COA1: variants seen among roughly 807,000 people sequenced by gnomAD.
COA1 encodes cytochrome c oxidase assembly factor 1 homolog.
COA1 carries 13 observed loss-of-function variants against 16.0 expected under a neutral mutation model. The ratio of observed to expected loss-of-function variants is 0.81; its 90% CI spans 0.53 to 1.29. The LOEUF is 1.29. Among genes scored for constraint, COA1 ranks in the 50% most tolerant of loss-of-function variants. COA1 has a pLI of 0.00. For missense variants in COA1, 179 were observed against 177.0 expected (o/e 1.01, Z -0.06); for synonymous variants, 65 against 65.7 (o/e 0.99, Z 0.05).
At chr7:43,663,664 CT>C (rs1349564297) in intron 1 of COA1, among the ~76,000 whole-genome samples, 1 of 64,184 alleles carries the variant, frequency 1.6e-5, no homozygotes, top group Non-Finnish European at 2.7e-5. Context: ...AAGACCCTAT[CT>C]CAAAAAAAAA....
intron 1 of COA1, among the ~76,000 whole-genome samples, chr7:43,680,278 G>A (rs2093703940): frequency 7.0e-6 from 1 of 143,178 alleles, no homozygotes; most frequent in East Asian, 2.0e-4. Flanking sequence ...TTTGGGACAG[G>A]GAGACAAAAA....
At chr7:43,634,801 G>T (rs1371527372), downstream of COA1, among the ~76,000 whole-genome samples, 1 of 152,214 alleles carries the variant, frequency 6.6e-6, no homozygotes, top group Non-Finnish European at 1.5e-5. Context: ...CCTTTGGCTA[G>T]AGACACCAGG....
chr7:43,666,896 T>A (rs1259007426), intron 1 of COA1, among the ~76,000 whole-genome samples: 1 of 152,238 alleles, frequency 6.6e-6, no homozygotes, highest in African/African-American at 2.4e-5. Flanking sequence ...AAGGGTATTA[T>A]ATGGTCTTTT....
intron 1 of COA1, among the ~76,000 whole-genome samples, chr7:43,684,471 C>CT (rs1469941547): frequency 1.3e-5 from 2 of 152,120 alleles, no homozygotes; most frequent in Non-Finnish European, 2.9e-5. Context: ...GCAAGTGTCC[C>CT]AGAAAACAAG....
intron 1 of COA1, among the ~76,000 whole-genome samples, chr7:43,715,701 T>C: frequency 6.6e-6 from 1 of 152,206 alleles, no homozygotes. Context: ...CAGTCTATAG[T>C]GAATATTTAA....
intron 1 of COA1, among the ~76,000 whole-genome samples, chr7:43,714,485 C>T (rs1402969159): frequency 1.3e-5 from 2 of 151,032 alleles, no homozygotes; most frequent in Non-Finnish European, 2.9e-5. Flanking sequence ...AAAAATTAGC[C>T]GGGTATGGTG....
At chr7:43,658,315 C>T (rs778823911) in intron 1 of COA1, among the ~76,000 whole-genome samples, 2 of 151,318 alleles carry the variant, frequency 1.3e-5, no homozygotes, top group Non-Finnish European at 2.9e-5. Flanking sequence ...GCCGAGATTG[C>T]GCCACTGCAC....
At chr7:43,649,212 C>A (rs2090245277) in intron 1 of COA1, 1 of 152,312 alleles carries the variant, frequency 6.6e-6, no homozygotes, top group African/African-American at 2.4e-5. Context: ...CTATTATCAT[C>A]ACGCTCATTT....
At chr7:43,727,436 T>C (rs2095639233) in intron 1 of COA1, among the ~76,000 whole-genome samples, 1 of 152,130 alleles carries the variant, frequency 6.6e-6, no homozygotes, top group Admixed American at 6.5e-5. Context: ...CACAGCAGCA[T>C]TACACATAAT....
At chr7:43,613,484 A>G (rs1427419006) in intron 6 of COA1, among the ~76,000 whole-genome samples, 1 of 152,194 alleles carries the variant, frequency 6.6e-6, no homozygotes, top group Non-Finnish European at 1.5e-5. Context: ...CACTGATACC[A>G]TGGGACAACT....
chr7:43,717,509 T>C (rs1018112537), intron 1 of COA1, among the ~76,000 whole-genome samples: 6 of 152,208 alleles, frequency 3.9e-5, no homozygotes, highest in African/African-American at 7.2e-5. Context: ...ACCCATTCTA[T>C]CTAGGGAGTA....
At chr7:43,708,165 C>A (rs1429478401) in intron 1 of COA1, among the ~76,000 whole-genome samples, 1 of 152,306 alleles carries the variant, frequency 6.6e-6, no homozygotes, top group Non-Finnish European at 1.5e-5. Context: ...GATCACACCA[C>A]TGCACTTCAG....
chr7:43,648,392 T>C, intron 2 of COA1: 1 of 668,106 alleles, frequency 1.5e-6, no homozygotes, highest in Non-Finnish European at 2.7e-6. Context: ...GTGTTACAGC[T>C]TCCAACGCCA....
At position 43,664,023 on chromosome 7, in the gene COA1, T is replaced by A. The variant is rs149272781; in HGVS notation, c.-38-15371A>T. ...GTGAGCCAAGATCGTGCCACTTTAC[T>A]CCAGCCTGGGTGACAGAGACCCTGT... On this transcript the variant is annotated intron_variant, in intron 1 of 5. Coordinates refer to ENST00000223336, the MANE Select transcript of COA1 (RefSeq NM_018224.4). Among the ~76,000 whole-genome samples, 520 of 151,672 alleles carry A rather than the reference T, an allele frequency of 3.4e-3. 1 individual carries two copies. The highest frequency in any genetic ancestry group is 0.012 in the African/African-American group (492 of 41,270).
At chr7:43,629,626 TTAAA>T (rs758685565) in intron 6 of COA1, among the ~76,000 whole-genome samples, 10 of 152,236 alleles carry the variant, frequency 6.6e-5, no homozygotes, top group Admixed American at 1.3e-4. Flanking sequence ...TATAAATTAT[TTAAA>T]TGAGTCTTTT....
chr7:43,646,586 G>A (rs749442466), intron 3 of COA1: 20 of 456,618 alleles, frequency 4.4e-5, no homozygotes. Flanking sequence ...AGCCTCCTAA[G>A]GGAGAAAGGC....
At chr7:43,664,195 TG>T (rs1349336072) in intron 1 of COA1, among the ~76,000 whole-genome samples, 1 of 149,694 alleles carries the variant, frequency 6.7e-6, no homozygotes, top group African/African-American at 2.5e-5. Context: ...GGCATACTAC[TG>T]CCTCTAATTT....
intron 1 of COA1, among the ~76,000 whole-genome samples, chr7:43,704,111 A>G (rs1019873192): frequency 6.6e-5 from 10 of 152,208 alleles, no homozygotes; most frequent in African/African-American, 2.2e-4. Flanking sequence ...TCTTGCTTGG[A>G]ATTTCTTTTC....
At chr7:43,688,478 T>A (rs2094136058) in intron 1 of COA1, among the ~76,000 whole-genome samples, 1 of 152,234 alleles carries the variant, frequency 6.6e-6, no homozygotes, top group Non-Finnish European at 1.5e-5. Flanking sequence ...TTATCAAATG[T>A]ATCACTATTT....
Sources: allele counts gnomAD v4.1 joint callset (sites outside exome capture counted in the v4.1 genomes callset), GRCh38; gene constraint gnomAD v4.1.1; transcripts MANE v1.5; gene names NCBI Gene and HGNC (gene_info 2026-07-23, HGNC 2026-07-21).